Variants in MTERF4 observed in about 807,000 individuals in gnomAD.
The protein encoded by MTERF4 is mitochondrial transcription termination factor 4, also known as transcription termination factor 4, mitochondrial.
MTERF4 carries 17 observed loss-of-function variants against 22.5 expected under a neutral mutation model. That is an observed-to-expected ratio of 0.75 (90% CI 0.52 to 1.13). The LOEUF (loss-of-function observed/expected upper bound fraction) is 1.13. Ranked by LOEUF, MTERF4 falls within the 50% of genes most tolerant of loss-of-function variation. MTERF4 has a pLI of 0.00. For missense variants in MTERF4, 420 were observed against 466.8 expected (o/e 0.90, Z 0.92); for synonymous variants, 165 against 175.3 (o/e 0.94, Z 0.47).
chr2:241,050,009 C>CT, the MTERF4 span: 1 of 1,051,222 alleles, frequency 9.5e-7, no homozygotes, highest in South Asian at 1.3e-5. Flanking sequence ...TGCTTCTCTG[C>CT]TGTCTCTCTC....
At chr2:241,060,149 G>A in the MTERF4 span, among the ~76,000 whole-genome samples, 2 of 151,976 alleles carry the variant, frequency 1.3e-5, no homozygotes, top group Non-Finnish European at 2.9e-5. Context: ...ATGCGTAAAA[G>A]GAACTATAAA....
rs2062864735 is a variant in MTERF4 at position 241,073,707 on chromosome 2, A to C, written n.2455T>G. ...CCCAGCCCCTGCCTCTGGGCCCCTC[A>C]CCCCTCACTTCTCCAAAGAGGAGCA... On this transcript the variant is annotated non_coding_transcript_exon_variant, in exon 5 of 5. Transcript: ENST00000464344. This position sits in a 1 kb window ranked among gnomAD's most constrained non-coding sequence, Gnocchi z 6.6. The C allele has an allele frequency of 4.6e-6, 2 of 437,820 alleles. No individual in the cohort carries two copies. The highest frequency in any genetic ancestry group is 8.1e-6 in the Non-Finnish European group (2 of 247,520). The allele number at this position is 437,820 out of a possible 1,614,324, so 27.1% of individuals were successfully genotyped here.
Position 241,099,585 on chromosome 2 carries a change from C to T in MTERF4, c.331G>A (p.Glu111Lys). Residue 111 changes from glutamate (E) to lysine (K), a missense_variant, in exon 2 of 4, where the codon GAA (glutamate) becomes AAA (lysine). Physicochemically the swap from Glu to Lys is moderately conservative, Grantham distance 56 (BLOSUM62 1). Transcript: ENST00000391980. ...DMGFSNAHIN[E>K]LLSVRRGASL... ...GCACCTCGCCGTACACTGAGCAATT[C>T]ATTAATATGGGCATTGCTGAAACCC... The T allele has an allele frequency of 6.2e-7, 1 of 1,614,216 alleles. No individual in the cohort carries two copies. Among genetic ancestry groups the T allele is most frequent in the Non-Finnish European group, 8.5e-7 (1 of 1,180,050 alleles).
At chr2:241,050,181 C>T in the MTERF4 span, 1 of 564,938 alleles carries the variant, frequency 1.8e-6, no homozygotes, top group East Asian at 2.9e-5. Flanking sequence ...GCTTCATTGC[C>T]TGCTCAGCAT....
At chr2:241,045,692 A>G in the MTERF4 span, among the ~76,000 whole-genome samples, 1 of 149,568 alleles carries the variant, frequency 6.7e-6, no homozygotes, top group Non-Finnish European at 1.5e-5. Flanking sequence ...AAACTATAAG[A>G]TTTTTAGAAG....
At chr2:241,055,151 G>A in the MTERF4 span, among the ~76,000 whole-genome samples, 4 of 152,010 alleles carry the variant, frequency 2.6e-5, no homozygotes, top group African/African-American at 9.7e-5. Context: ...GTGCTGTAGA[G>A]GGTAGAAGGT....
Position 241,096,123 on chromosome 2 carries a change from C to T in MTERF4, c.1021G>A (p.Glu341Lys). ...TCCTCATCATCGTCATCCTCATCCT[C>T]ATCCAGACTTGCCCTTTTGTCATCA... is the stretch of plus-strand genomic sequence containing the variant. Reference protein sequence around the residue: ...TSDDKRASLDEDEDDDDEEDN... With the variant: ...TSDDKRASLDKDEDDDDEEDN... The change falls in exon 4 of 4, where the codon GAG becomes AAG. Residue 341 changes from glutamate to lysine, a missense_variant. Glu to Lys is a moderately conservative substitution (Grantham distance 56). Coordinates refer to ENST00000391980, the MANE Select transcript of MTERF4 (RefSeq NM_182501.4). The surrounding 1 kb of genome is among the most constrained non-coding windows in gnomAD (Gnocchi z 5.1). The T allele has an allele frequency of 6.2e-7, 1 of 1,613,814 alleles. No homozygotes were observed. Among genetic ancestry groups the T allele is most frequent in the East Asian group, 2.2e-5 (1 of 44,888 alleles).
chr2:241,088,621 C>T (rs1163573949), downstream of MTERF4: 3 of 561,422 alleles, frequency 5.3e-6, no homozygotes, highest in Non-Finnish European at 6.3e-6. Context: ...ACAAATACAC[C>T]TTCAGGTGGA....
At chr2:241,051,884 G>T in the MTERF4 span, 3 of 1,520,358 alleles carry the variant, frequency 2.0e-6, no homozygotes, top group Non-Finnish European at 2.7e-6. This position sits in a 1 kb window ranked among gnomAD's most constrained non-coding sequence, Gnocchi z 4.7. Flanking sequence ...GGGCAGGGGG[G>T]AGGGCAGGAA....
chr2:241,064,626 G>A, the MTERF4 span, among the ~76,000 whole-genome samples: 8 of 152,298 alleles, frequency 5.3e-5, no homozygotes, highest in South Asian at 8.3e-4. This position sits in a 1 kb window ranked among gnomAD's most constrained non-coding sequence, Gnocchi z 7.0. Context: ...CAGCCAGTCC[G>A]GCTGGTGGCA....
the MTERF4 span, among the ~76,000 whole-genome samples, chr2:241,067,124 C>T: frequency 6.6e-6 from 1 of 152,214 alleles, no homozygotes; most frequent in Non-Finnish European, 1.5e-5. Flanking sequence ...AGAGCCCGCC[C>T]TGCCCGCTGC....
the MTERF4 span, chr2:241,053,469 G>C: frequency 1.2e-6 from 1 of 822,270 alleles, no homozygotes; most frequent in Non-Finnish European, 1.8e-6. Flanking sequence ...TCAGTCTCCT[G>C]TCTGTGAATG....
chr2:241,077,974 G>A (rs2063107581), intron 4 of MTERF4, among the ~76,000 whole-genome samples: 1 of 152,088 alleles, frequency 6.6e-6, no homozygotes, highest in Admixed American at 6.6e-5. Flanking sequence ...GCACTCCTAG[G>A]TATATACCCA....
chr2:241,098,832 T>C (rs753912529), intron 2 of MTERF4, among the ~76,000 whole-genome samples: 1 of 152,216 alleles, frequency 6.6e-6, no homozygotes, highest in Non-Finnish European at 1.5e-5. Context: ...CACTAGGTGC[T>C]GAAGATCCCA....
chr2:241,090,063 C>T, downstream of MTERF4: 1 of 1,523,728 alleles, frequency 6.6e-7, no homozygotes, highest in Non-Finnish European at 8.8e-7. Flanking sequence ...AGAAATTAAC[C>T]TTAGCTTACT....
In MTERF4 at chr2:241,078,253, G is replaced by C. The variant is rs551589846; in HGVS notation, n.480-2571C>G. ...CAAAAATTAGCTGGGCGTGGTGGCG[G>C]GCGCCTGTAGTCCCAGCTCCTCAGG... On this transcript the variant is annotated intron_variant and non_coding_transcript_variant, in intron 4 of 4. Coordinates refer to the MTERF4 transcript ENST00000464344. Among the ~76,000 whole-genome samples, 118 of 151,606 alleles carry C rather than the reference G, an allele frequency of 7.8e-4. 2 individuals carry two copies. The East Asian group carries it at 0.017, about 21-fold the overall frequency.
At chr2:241,090,370 C>T (rs1352647491), downstream of MTERF4, 2 of 1,550,140 alleles carry the variant, frequency 1.3e-6, no homozygotes, top group Non-Finnish European at 1.7e-6. Context: ...ACAATGATGC[C>T]TTCTTCTGGA....
the MTERF4 span, among the ~76,000 whole-genome samples, chr2:241,058,813 G>A: frequency 2.0e-5 from 3 of 152,136 alleles, no homozygotes; most frequent in Non-Finnish European, 2.9e-5. Context: ...AGCTGGGCGA[G>A]GTGGCGGGCG....
In MTERF4 at chr2:241,073,204, C is replaced by G; in HGVS notation, n.2958G>C. 2 of 1,253,784 alleles carry G rather than the reference C, an allele frequency of 1.6e-6. No individual in the cohort carries two copies. The highest frequency in any genetic ancestry group is 2.3e-6 in the Non-Finnish European group (2 of 882,014). 77.7% of individuals were successfully genotyped at this position (1,253,784 alleles called of 1,614,324 possible). ...GATATAGAAGCACTCAAAAGGGTGGCCCCAGGACCATCCCGGGTGCAAAGC... is the reference window on the plus strand; with the variant it reads ...GATATAGAAGCACTCAAAAGGGTGGGCCCAGGACCATCCCGGGTGCAAAGC... On this transcript the variant is annotated non_coding_transcript_exon_variant, in exon 5 of 5. Transcript: ENST00000464344. This position sits in a 1 kb window ranked among gnomAD's most constrained non-coding sequence, Gnocchi z 6.6.
Sources: gnomAD v4.1 joint callset for allele counts (sites outside exome capture counted in the v4.1 genomes callset) on GRCh38, gnomAD v4.1.1 for gene constraint, Gnocchi (gnomAD v3.1) non-coding constraint, MANE v1.5 for transcripts, NCBI Gene and HGNC (gene_info 2026-07-23, HGNC 2026-07-21) for gene names.